C3: variants seen among roughly 807,000 people sequenced by gnomAD.
C3 encodes C3 and PZP-like alpha-2-macroglobulin domain-containing protein 1.
Under a neutral mutation model 207.9 loss-of-function variants are expected in C3, and 97 were observed. That is an observed-to-expected ratio of 0.47 (90% CI 0.40 to 0.55). The LOEUF is 0.55. C3 is among the 20% of genes least tolerant of loss of function. C3 has a pLI of 0.00. For synonymous variants in C3, 848 were observed against 857.6 expected, an observed-to-expected ratio of 0.99 and a Z score of 0.20; for missense variants, 1,684 against 2,171.7, an observed-to-expected ratio of 0.78 and a Z score of 4.46.
intron 40 of C3, 55 bp from the exon 41 acceptor site, chr19:6,678,078 G>A: frequency 6.2e-7 from 1 of 1,614,076 alleles, no homozygotes; most frequent in Non-Finnish European, 8.5e-7. Context: ...TGGCGCAGGG[G>A]CGTGACAATG....
intron 26 of C3, among the ~76,000 whole-genome samples, chr19:6,692,417 G>GA (rs898694981): frequency 1.4e-4 from 22 of 152,234 alleles, no homozygotes; most frequent in Non-Finnish European, 2.2e-4. Flanking sequence ...AGCTGGATTT[G>GA]AAAAAATCAC....
rs939734417 is a variant in C3, at chr19:6,708,753, C to G, written c.1846-824G>C. ...CCAGGCTGGAGTGCAGTGGTGCAGG[C>G]ATAGCTCACTGCAGCCTCAAATTCC... is the stretch of plus-strand genomic sequence containing the variant. On this transcript the variant is annotated intron_variant, in intron 14 of 40. Transcript: ENST00000245907. 3.4e-5 allele frequency among the ~76,000 whole-genome samples: 5 copies of G among 147,902 alleles called. No individual in the cohort carries two copies. The Admixed American group carries it at 3.5e-4, about 10-fold the overall frequency.
chr19:6,686,949 C>G, intron 27 of C3, 47 bp from the exon 28 acceptor site: 1 of 1,593,202 alleles, frequency 6.3e-7, no homozygotes, highest in African/African-American at 1.3e-5. Flanking sequence ...GCATTGCTGT[C>G]ACGTTAGTAA....
intron 26 of C3, among the ~76,000 whole-genome samples, chr19:6,692,507 C>A (rs1323901103): frequency 1.3e-5 from 2 of 152,046 alleles, no homozygotes. Flanking sequence ...GTGGTTTCTA[C>A]AAGGTCTCCA....
rs143070159 is a variant in C3, at chr19:6,682,144, G to C, written c.4258C>G (p.Gln1420Glu). The change falls in exon 34 of 41, where the codon CAG (glutamine) becomes GAG (glutamate). Residue 1420 changes from glutamine (Q) to glutamate (E), a missense_variant and splice_region_variant. Around this residue, in one of 3 missense-constraint regions of C3, gnomAD observed 346 missense variants for 380.1 expected, o/e 0.91. Transcript: ENST00000245907. ...GFAPDTDDLK[Q>E]LANGVDRYIS... The stretch of plus-strand genomic sequence containing the variant: ...CCCAGCTCCTGAGCCCTTCATACCT[G>C]CTTCAGGTCATCTGTGTCTGGAGCA... 4 of 1,613,424 alleles carry C rather than the reference G, an allele frequency of 2.5e-6. No homozygotes were observed. The highest frequency in any genetic ancestry group is 3.3e-5 in the Admixed American group (2 of 59,992).
chr19:6,712,546 G>A lies in C3; in HGVS notation c.1081C>T (p.Pro361Ser), dbSNP rs1330686326. The A allele has an allele frequency of 2.5e-6, 4 of 1,614,176 alleles. No individual in the cohort carries two copies. Among genetic ancestry groups the A allele is most frequent in the Non-Finnish European group, 2.5e-6 (3 of 1,180,008 alleles). ...GGCATTCCTGGTTTGAAGTACTTGG[G>A]TGTCTTGGTGAAGTGGATCTGGTAG... ...SPYQIHFTKT[P>S]KYFKPGMPFD... The change falls in exon 10 of 41, where the codon CCC (proline) becomes TCC (serine). Residue 361 changes from proline to serine, a missense_variant. Pro to Ser is a moderately conservative substitution (Grantham distance 74, BLOSUM62 -1). Around this residue, in one of 3 missense-constraint regions of C3, gnomAD observed 1,280 missense variants for 1,739.1 expected, o/e 0.74. Transcript: ENST00000245907.
At chr19:6,692,258 G>A (rs1918188225) in intron 26 of C3, among the ~76,000 whole-genome samples, 1 of 152,162 alleles carries the variant, frequency 6.6e-6, no homozygotes, top group South Asian at 2.1e-4. Flanking sequence ...ATGGGCCGTC[G>A]AGCCCAGCCA....
chr19:6,683,539 C>T (rs2145394841), intron 33 of C3, among the ~76,000 whole-genome samples: 1 of 150,706 alleles, frequency 6.6e-6, no homozygotes, highest in Non-Finnish European at 1.5e-5. Context: ...CAAGCTCCGC[C>T]TCCTGGGTTC....
chr19:6,707,342 G>A lies in C3; in HGVS notation c.2048-69C>T, dbSNP rs967095266. 1.0e-5 allele frequency: 16 copies of A among 1,598,222 alleles called. No individual in the cohort carries two copies. The East Asian group carries it at 3.1e-4, about 31-fold the overall frequency. Reference sequence around the variant, plus strand: ...GCCGGCAGCAGGAGGGACGCGGGACGGACCCCAGGGAGGACTTCCCCGCCG... The same window carrying A: ...GCCGGCAGCAGGAGGGACGCGGGACAGACCCCAGGGAGGACTTCCCCGCCG... On this transcript the variant is annotated intron_variant, in intron 16 of 40. Transcript: ENST00000245907.
Position 6,707,110 on chromosome 19 carries a change from C to T in C3, c.2211G>A (p.Gln737=). The T allele has an allele frequency of 6.2e-7, 1 of 1,613,126 alleles. No individual in the cohort carries two copies. The highest frequency in any genetic ancestry group is 8.5e-7 in the Non-Finnish European group (1 of 1,179,832). The change falls in exon 17 of 41, where the codon CAG becomes CAA. Residue 737 remains glutamine, a synonymous_variant. Transcript: ENST00000245907. The part of the protein sequence containing the change: ...CCNYITELRR[Q]HARASHLGLA... ...GGCCCAGGTGGCTGGCCCGCGCGTG[C>T]TGCCGCCGCAGCTCTGTGATGTAGT... is the stretch of plus-strand genomic sequence containing the variant.
rs968310542 is a variant in C3, at chr19:6,709,483, C to A, written c.1845+201G>T. On this transcript the variant is annotated intron_variant, in intron 14 of 40. Transcript: ENST00000245907. Reference sequence around the variant, plus strand: ...AACAAACAGAAAAAAAAGTCCAATTCTCAGGACCATCCCCAATTGGAACCC... The same window carrying A: ...AACAAACAGAAAAAAAAGTCCAATTATCAGGACCATCCCCAATTGGAACCC... Among the ~76,000 whole-genome samples the A allele has an allele frequency of 1.2e-4, 19 of 152,116 alleles. 2 individuals carry two copies. Among genetic ancestry groups the A allele is most frequent in the Admixed American group, 8.5e-4 (13 of 15,266 alleles).
chr19:6,688,962 A>G (rs1382944772), intron 27 of C3, among the ~76,000 whole-genome samples: 2 of 151,910 alleles, frequency 1.3e-5, no homozygotes, highest in African/African-American at 2.4e-5. Flanking sequence ...TTGATCTGAT[A>G]TTTTCTCTAA....
chr19:6,684,407 T>A lies in C3; in HGVS notation c.4153A>T (p.Ile1385Phe). ...TCTTACCTGGTACAGATCTCAAGGA[T>A]CATAGTGTTCTTGGCATCCTGAGGC... ...KRPQDAKNTM[I>F]LEICTRYRGD... Residue 1385 changes from isoleucine to phenylalanine, a missense_variant, in exon 33 of 41, where the codon ATC (isoleucine) becomes TTC (phenylalanine). By Grantham distance (21) the Ile-to-Phe change is conservative (BLOSUM62 0). This residue lies in a region of C3 where 346 missense variants were observed against 380.1 expected (regional missense o/e 0.91). Transcript: ENST00000245907. 2 of 1,613,976 alleles carry A rather than the reference T, an allele frequency of 1.2e-6. No homozygotes were observed. Among genetic ancestry groups the A allele is most frequent in the Non-Finnish European group, 1.7e-6 (2 of 1,179,858 alleles).
rs762635358 is a variant in C3 at position 6,710,996 on chromosome 19, G to A, written c.1470C>T (p.Tyr490=). 2.4e-5 allele frequency: 38 copies of A among 1,613,938 alleles called. No individual in the cohort carries two copies. The highest frequency in any genetic ancestry group is 6.7e-5 in the East Asian group (3 of 44,878). The stretch of plus-strand genomic sequence containing the variant: ...CCAGGTGGCCACGGACCAGGTAGGT[G>A]TAGTAGCGGATCTTGGCCTCGTGGG... ...DRAHEAKIRY[Y]TYLIMNKGRL... Residue 490 remains tyrosine (Y), a synonymous_variant, in exon 12 of 41, where the codon TAC becomes TAT. Transcript: ENST00000245907.
At chr19:6,702,715 T>C (rs955190982) in intron 17 of C3, 136 bp from the exon 18 acceptor site, 4 of 711,310 alleles carry the variant, frequency 5.6e-6, no homozygotes, top group African/African-American at 1.7e-5. Flanking sequence ...CTAGCTAACA[T>C]GGTGAAACCC....
intron 26 of C3, among the ~76,000 whole-genome samples, chr19:6,691,765 A>G (rs955500245): frequency 2.0e-5 from 3 of 151,960 alleles, no homozygotes; most frequent in African/African-American, 7.3e-5. Flanking sequence ...TGGGCGGATC[A>G]CCTGAGGTCA....
Position 6,718,243 on chromosome 19 carries a change from T to C in C3, c.433+4A>G, listed in dbSNP as rs1968085084. On this transcript the variant is annotated splice_donor_region_variant and intron_variant, in intron 3 of 40. Transcript: ENST00000245907. Reference sequence around the variant, plus strand: ...CCGCCCTCTCCAGCCGCCCCCAGCCTCACCTGTGGAGCCAGGGGTGTAGAT... The same window carrying C: ...CCGCCCTCTCCAGCCGCCCCCAGCCCCACCTGTGGAGCCAGGGGTGTAGAT... The C allele has an allele frequency of 6.2e-7, 1 of 1,614,130 alleles. No individual in the cohort carries two copies. Among genetic ancestry groups the C allele is most frequent in the Non-Finnish European group, 8.5e-7 (1 of 1,180,016 alleles).
At chr19:6,685,203 T>A in intron 29 of C3, 57 bp from the exon 30 acceptor site, 1 of 1,521,312 alleles carries the variant, frequency 6.6e-7, no homozygotes, top group Non-Finnish European at 9.1e-7. Flanking sequence ...GTGGCTAGAA[T>A]CCAGTGGGGG....
intron 19 of C3, among the ~76,000 whole-genome samples, chr19:6,700,218 AT>A (rs1228414896): frequency 5.5e-5 from 7 of 127,804 alleles, no homozygotes; most frequent in South Asian, 2.3e-4. Context: ...TATATATTAC[AT>A]ATATATTATA....
Sources: gnomAD v4.1 joint callset for allele counts (sites outside exome capture counted in the v4.1 genomes callset) on GRCh38, gnomAD v4.1.1 for gene constraint, gnomAD v4.1.1 regional missense constraint, MANE v1.5 for transcripts, NCBI Gene and HGNC (gene_info 2026-07-23, HGNC 2026-07-21) for gene names.